The following LRRC1 variants were observed in gnomAD, a reference collection of about 807,000 sequenced individuals.
LRRC1 encodes leucine rich repeat containing 1.
A neutral mutation model predicts 69.9 loss-of-function variants in LRRC1; 28 were observed. The observed-to-expected ratio is 0.40, with a 90% CI of 0.30 to 0.55. The LOEUF (loss-of-function observed/expected upper bound fraction) is 0.55, where lower values mean the gene tolerates loss of function less well. Ranked by LOEUF, LRRC1 falls within the 20% of genes least tolerant of loss-of-function variation. The pLI is 0.47. For missense variants in LRRC1, 498 were observed against 609.0 expected (o/e 0.82, Z 1.92); for synonymous variants, 236 against 240.2 (o/e 0.98, Z 0.16).
At chr6:53,843,091 G>A (rs1765839330) in intron 2 of LRRC1, among the ~76,000 whole-genome samples, 1 of 152,206 alleles carries the variant, frequency 6.6e-6, no homozygotes, top group Admixed American at 6.5e-5. Flanking sequence ...GTCCTATCTA[G>A]TGATGGAATT....
At chr6:53,888,037 A>G (rs1196166567) in intron 4 of LRRC1, among the ~76,000 whole-genome samples, 2 of 152,254 alleles carry the variant, frequency 1.3e-5, no homozygotes, top group Non-Finnish European at 2.9e-5. Flanking sequence ...AAGGCCAGGA[A>G]GGATAATTTT....
rs375890760 is a variant in LRRC1 at position 53,819,800 on chromosome 6, C to T, written c.160-22310C>T. ...CCAAAGTCCTTAAAATGTGCTACCT[C>T]AAATGAGATTTATTAGCCAGGGCAG... On this transcript the variant is annotated intron_variant, in intron 1 of 13. Coordinates refer to ENST00000370888, the MANE Select transcript of LRRC1 (RefSeq NM_018214.5). 3.7e-4 allele frequency among the ~76,000 whole-genome samples: 56 copies of T among 152,304 alleles called. No individual in the cohort carries two copies. The South Asian group carries it at 0.012, about 32-fold the overall frequency.
chr6:53,795,464 C>G (rs780361308), intron 1 of LRRC1, 49 bp downstream of exon 1: 9 of 1,557,106 alleles, frequency 5.8e-6, no homozygotes, highest in Non-Finnish European at 7.8e-6. Context: ...TCTGCTGTCC[C>G]TTCCGCTCCC....
chr6:53,800,866 G>A (rs774266348), intron 1 of LRRC1, among the ~76,000 whole-genome samples: 38 of 151,690 alleles, frequency 2.5e-4, no homozygotes, highest in African/African-American at 8.0e-4. Flanking sequence ...TCTCAAATTC[G>A]TGACCTCAAG....
chr6:53,856,340 G>A (rs1392166740), intron 2 of LRRC1, among the ~76,000 whole-genome samples: 1 of 152,150 alleles, frequency 6.6e-6, no homozygotes, highest in African/African-American at 2.4e-5. Context: ...CCAGAAGGGT[G>A]GAAGGACCAA....
intron 1 of LRRC1, among the ~76,000 whole-genome samples, chr6:53,827,063 G>A (rs1489477780): frequency 6.6e-6 from 1 of 152,132 alleles, no homozygotes; most frequent in Non-Finnish European, 1.5e-5. Context: ...CATTTGTTAA[G>A]CAATCATATT....
intron 2 of LRRC1, among the ~76,000 whole-genome samples, chr6:53,864,529 C>G (rs1430618824): frequency 6.6e-6 from 1 of 152,152 alleles, no homozygotes; most frequent in African/African-American, 2.4e-5. Context: ...AATTTCAGAG[C>G]CCTGCTCTTT....
chr6:53,886,111 T>A (rs894519834), intron 4 of LRRC1, among the ~76,000 whole-genome samples: 2 of 152,204 alleles, frequency 1.3e-5, no homozygotes, highest in Admixed American at 6.5e-5. Flanking sequence ...AGAATGCATA[T>A]TTTTATTTCA....
At chr6:53,864,465 C>A (rs746703412) in intron 2 of LRRC1, among the ~76,000 whole-genome samples, 1 of 152,180 alleles carries the variant, frequency 6.6e-6, no homozygotes, top group African/African-American at 2.4e-5. Context: ...AATCTGACTT[C>A]AGACCCTCAA....
intron 3 of LRRC1, among the ~76,000 whole-genome samples, chr6:53,882,541 T>C (rs1051417110): frequency 6.6e-6 from 1 of 152,228 alleles, no homozygotes; most frequent in African/African-American, 2.4e-5. Flanking sequence ...TAGGCACTTT[T>C]AGCTGCAGCA....
intron 10 of LRRC1, among the ~76,000 whole-genome samples, chr6:53,911,990 T>C (rs181308055): frequency 2.0e-5 from 3 of 152,164 alleles, no homozygotes; most frequent in Non-Finnish European, 4.4e-5. Context: ...TGATTCTTAC[T>C]GGAACAAAAA....
rs534644105 is a variant in LRRC1 at position 53,834,894 on chromosome 6, G to A, written c.160-7216G>A. On this transcript the variant is annotated intron_variant, in intron 1 of 13. Transcript: ENST00000370888. The stretch of plus-strand genomic sequence containing the variant: ...GGAGAATGGTGTGAACCCGGGAGGC[G>A]GAGGTTGCAGTGAGCCGAGATCATG... 8.5e-5 allele frequency among the ~76,000 whole-genome samples: 13 copies of A among 152,214 alleles called. No individual in the cohort carries two copies. The South Asian group carries it at 2.7e-3, about 32-fold the overall frequency.
Position 53,803,250 on chromosome 6 carries a change from A to G in LRRC1, c.159+7835A>G, listed in dbSNP as rs1307677301. Among the ~76,000 whole-genome samples the G allele has an allele frequency of 3.3e-5, 5 of 152,358 alleles. No homozygotes were observed. The East Asian group carries it at 9.6e-4, about 29-fold the overall frequency. On this transcript the variant is annotated intron_variant, in intron 1 of 13. Coordinates refer to ENST00000370888, the MANE Select transcript of LRRC1 (RefSeq NM_018214.5). Reference sequence around the variant, plus strand: ...TTTCTTTGCGATGATGACAGATCCCAGACATGGTCTTGCTGTGCCGTGGAA... The same window carrying G: ...TTTCTTTGCGATGATGACAGATCCCGGACATGGTCTTGCTGTGCCGTGGAA...
intron 3 of LRRC1, among the ~76,000 whole-genome samples, chr6:53,881,981 C>T (rs1052839115): frequency 6.6e-6 from 1 of 152,084 alleles, no homozygotes; most frequent in Non-Finnish European, 1.5e-5. Context: ...AAAAATATCC[C>T]TTTGTGTAGA....
intron 2 of LRRC1, among the ~76,000 whole-genome samples, chr6:53,870,248 C>T (rs144380079): frequency 4.0e-4 from 61 of 152,252 alleles, no homozygotes; most frequent in African/African-American, 1.4e-3. Flanking sequence ...TGTGATTTCT[C>T]GGTTGGCCCA....
intron 1 of LRRC1, among the ~76,000 whole-genome samples, chr6:53,826,113 A>C (rs1160017405): frequency 6.6e-6 from 1 of 150,536 alleles, no homozygotes; most frequent in Non-Finnish European, 1.5e-5. Context: ...TCCTTTTGCT[A>C]GGGCTGCCAC....
rs528928898 is a variant in LRRC1 at position 53,797,650 on chromosome 6, A to G, written c.159+2235A>G. Among the ~76,000 whole-genome samples the G allele has an allele frequency of 7.9e-5, 12 of 152,202 alleles. No individual in the cohort carries two copies. The South Asian group carries it at 2.5e-3, about 32-fold the overall frequency. The stretch of plus-strand genomic sequence containing the variant: ...CCAGCTGTATGTTCTCCTCTCTATA[A>G]TTTGTTTGGAAGCACAGCTTAAGGG... On this transcript the variant is annotated intron_variant, in intron 1 of 13. Transcript: ENST00000370888.
intron 1 of LRRC1, among the ~76,000 whole-genome samples, chr6:53,804,492 C>G (rs1764583653): frequency 6.6e-6 from 1 of 152,176 alleles, no homozygotes; most frequent in African/African-American, 2.4e-5. Flanking sequence ...AGAACTCCCA[C>G]TATATAAATT....
At chr6:53,831,251 T>C (rs974715163) in intron 1 of LRRC1, among the ~76,000 whole-genome samples, 1 of 152,136 alleles carries the variant, frequency 6.6e-6, no homozygotes. Context: ...CATTACATAG[T>C]CAATCCAGTT....
Sources: allele counts gnomAD v4.1 joint callset (sites outside exome capture counted in the v4.1 genomes callset), GRCh38; gene constraint gnomAD v4.1.1; transcripts MANE v1.5; gene names NCBI Gene and HGNC (gene_info 2026-07-23, HGNC 2026-07-21).